The following VWC2L variants were observed in gnomAD, a reference collection of about 807,000 sequenced individuals.
VWC2L encodes von Willebrand factor C domain containing 2 like.
In VWC2L, 10 loss-of-function variants were observed where a neutral mutation model predicts 21.6. The observed-to-expected ratio is 0.46, with a 90% CI of 0.29 to 0.78. The LOEUF (loss-of-function observed/expected upper bound fraction) is 0.78, where lower values mean the gene tolerates loss of function less well. Among genes scored for constraint, VWC2L ranks in the 30% least tolerant of loss-of-function variants. The probability of loss-of-function intolerance (pLI) is 0.10; values close to 1 mark genes in which losing one functional copy is unlikely to be tolerated. For synonymous variants in VWC2L, 96 were observed against 94.3 expected, an observed-to-expected ratio of 1.02 and a Z score of -0.10; for missense variants, 209 against 277.1, an observed-to-expected ratio of 0.75 and a Z score of 1.74.
chr2:214,419,148 ATT>A (rs777716144), intron 2 of VWC2L, among the ~76,000 whole-genome samples: 53 of 152,232 alleles, frequency 3.5e-4, no homozygotes, highest in Admixed American at 8.5e-4. Flanking sequence ...TTGAAAATGA[ATT>A]TCTCTCTATT....
intron 3 of VWC2L, among the ~76,000 whole-genome samples, chr2:214,557,825 T>C (rs1689897419): frequency 6.6e-6 from 1 of 152,216 alleles, no homozygotes; most frequent in Non-Finnish European, 1.5e-5. Context: ...TCAGGTACTC[T>C]AGTCTCCCTA....
chr2:214,568,880 T>C (rs1425118606), intron 3 of VWC2L, among the ~76,000 whole-genome samples: 1 of 152,178 alleles, frequency 6.6e-6, no homozygotes, highest in Admixed American at 6.5e-5. Context: ...CTTAATCCTA[T>C]TGCATGTGAC....
chr2:214,514,290 G>A (rs1377793390), intron 3 of VWC2L, among the ~76,000 whole-genome samples: 1 of 151,878 alleles, frequency 6.6e-6, no homozygotes, highest in African/African-American at 2.4e-5. Flanking sequence ...TATGTCAAGT[G>A]TAAAAGAAAC....
intron 3 of VWC2L, among the ~76,000 whole-genome samples, chr2:214,565,805 G>T (rs1690053459): frequency 6.6e-6 from 1 of 152,068 alleles, no homozygotes; most frequent in South Asian, 2.1e-4. Context: ...GAATTCATTT[G>T]TTCCTTCAAA....
intron 3 of VWC2L, among the ~76,000 whole-genome samples, chr2:214,496,850 T>C (rs1188786730): frequency 6.6e-6 from 1 of 152,096 alleles, no homozygotes; most frequent in Non-Finnish European, 1.5e-5. Flanking sequence ...CACCTAAGAG[T>C]ATTCATGTTA....
rs75192607 is a variant in VWC2L at position 214,486,196 on chromosome 2, T to C, written c.520+49438T>C. 8.3e-3 allele frequency among the ~76,000 whole-genome samples: 1,266 copies of C among 152,322 alleles called. 20 individuals carry two copies. The highest frequency in any genetic ancestry group is 0.029 in the African/African-American group (1,199 of 41,568). On this transcript the variant is annotated intron_variant, in intron 3 of 3. Coordinates refer to ENST00000312504, the MANE Select transcript of VWC2L (RefSeq NM_001080500.4). ...TCCTGATAAGGAATGTCACAGATACTATCATTTTTTACAGGGAAGTCTCTG... is the reference window on the plus strand; with the variant it reads ...TCCTGATAAGGAATGTCACAGATACCATCATTTTTTACAGGGAAGTCTCTG...
At chr2:214,564,686 T>G (rs1690035038) in intron 3 of VWC2L, among the ~76,000 whole-genome samples, 1 of 152,212 alleles carries the variant, frequency 6.6e-6, no homozygotes, top group Non-Finnish European at 1.5e-5. Flanking sequence ...CATTATCATT[T>G]TAATAATAGA....
At chr2:214,435,164 C>T (rs1478034382) in intron 2 of VWC2L, among the ~76,000 whole-genome samples, 1 of 152,154 alleles carries the variant, frequency 6.6e-6, no homozygotes, top group Non-Finnish European at 1.5e-5. Context: ...CTAATTTTCT[C>T]CATTAAATAA....
intron 3 of VWC2L, among the ~76,000 whole-genome samples, chr2:214,521,581 G>C (rs1374547812): frequency 6.6e-6 from 1 of 152,110 alleles, no homozygotes; most frequent in Non-Finnish European, 1.5e-5. Context: ...TACTACATTT[G>C]TTGCCAATAA....
At chr2:214,421,883 A>ATTTTTTTTTTTTTTTTTTT (rs1574555783) in intron 2 of VWC2L, among the ~76,000 whole-genome samples, 2 of 88,354 alleles carry the variant, frequency 2.3e-5, no homozygotes, top group Admixed American at 2.0e-4. Flanking sequence ...TATTTCCTAC[A>ATTTTTTTTTTTTTTTTTTT]TCTTTTTTTT....
chr2:214,552,481 G>C (rs934102517), intron 3 of VWC2L, among the ~76,000 whole-genome samples: 4 of 152,126 alleles, frequency 2.6e-5, no homozygotes, highest in Non-Finnish European at 4.4e-5. Context: ...AGGACCTGCT[G>C]GATGATAAAC....
At chr2:214,451,483 G>A (rs1055941781) in intron 3 of VWC2L, among the ~76,000 whole-genome samples, 6 of 152,126 alleles carry the variant, frequency 3.9e-5, no homozygotes. Flanking sequence ...CTAAATCTCA[G>A]TAGGGGCAAA....
intron 3 of VWC2L, among the ~76,000 whole-genome samples, chr2:214,517,314 A>T (rs1367954847): frequency 1.3e-5 from 2 of 152,228 alleles, no homozygotes; most frequent in African/African-American, 4.8e-5. Context: ...ATGTAGTGTT[A>T]TGACAGGCGG....
intron 3 of VWC2L, among the ~76,000 whole-genome samples, chr2:214,571,139 T>C (rs6435835): frequency 0.32 from 49,255 of 152,104 alleles, 9,550 homozygotes; most frequent in African/African-American, 0.56. Flanking sequence ...TGCCTCAGTA[T>C]GCAAACACAA....
chr2:214,495,695 A>G (rs1688802203), intron 3 of VWC2L, among the ~76,000 whole-genome samples: 3 of 152,126 alleles, frequency 2.0e-5, no homozygotes, highest in Non-Finnish European at 2.9e-5. Flanking sequence ...CAAATAAATT[A>G]TCTCTGTAAA....
chr2:214,557,450 C>T (rs923768974), intron 3 of VWC2L, among the ~76,000 whole-genome samples: 15 of 152,094 alleles, frequency 9.9e-5, no homozygotes, highest in Non-Finnish European at 1.8e-4. Context: ...TGGGTAGGGA[C>T]ACAGCCAAAC....
At chr2:214,497,555 C>T (rs993440386) in intron 3 of VWC2L, among the ~76,000 whole-genome samples, 4 of 152,202 alleles carry the variant, frequency 2.6e-5, no homozygotes, top group Admixed American at 1.3e-4. Context: ...CCCATTTATT[C>T]ACTGTCTTCT....
At chr2:214,541,814 T>C (rs1430705198) in intron 3 of VWC2L, among the ~76,000 whole-genome samples, 1 of 152,176 alleles carries the variant, frequency 6.6e-6, no homozygotes, top group Non-Finnish European at 1.5e-5. Context: ...GCATTTACAC[T>C]AGTAACCTGG....
At chr2:214,430,504 T>C (rs1702584424) in intron 2 of VWC2L, among the ~76,000 whole-genome samples, 1 of 152,330 alleles carries the variant, frequency 6.6e-6, no homozygotes, top group Non-Finnish European at 1.5e-5. Flanking sequence ...TACACTACTT[T>C]GTATACAATG....
Sources: gnomAD v4.1 joint callset for allele counts (sites outside exome capture counted in the v4.1 genomes callset) on GRCh38, gnomAD v4.1.1 for gene constraint, MANE v1.5 for transcripts, NCBI Gene and HGNC (gene_info 2026-07-23, HGNC 2026-07-21) for gene names.